PKHD1: variants seen among roughly 807,000 people sequenced by gnomAD.
PKHD1 encodes PKHD1 ciliary IPT domain containing fibrocystin/polyductin, also known as fibrocystin.
A neutral mutation model predicts 412.0 loss-of-function variants in PKHD1; 291 were observed. The ratio of observed to expected loss-of-function variants is 0.71; its 90% CI spans 0.64 to 0.78. PKHD1 has a LOEUF of 0.78. Ranked by LOEUF, PKHD1 falls within the 30% of genes least tolerant of loss-of-function variation. The pLI is 0.00. For synonymous variants in PKHD1, 1,777 were observed against 1,821.5 expected (o/e 0.98, Z 0.62); for missense variants, 4,825 against 4,950.7 (o/e 0.97, Z 0.76).
intron 36 of PKHD1, among the ~76,000 whole-genome samples, chr6:51,952,362 A>G (rs949518078): frequency 6.6e-6 from 1 of 152,188 alleles, no homozygotes; most frequent in Non-Finnish European, 1.5e-5. Context: ...CTCAACAAAC[A>G]TGAATCTGCC....
chr6:51,709,977 G>A (rs1037839236), intron 60 of PKHD1, among the ~76,000 whole-genome samples: 1 of 152,140 alleles, frequency 6.6e-6, no homozygotes, highest in Admixed American at 6.5e-5. Context: ...GGGAGGCCGA[G>A]GAGGGCGGAT....
At chr6:51,848,501 T>C (rs1472497408) in intron 49 of PKHD1, among the ~76,000 whole-genome samples, 1 of 152,218 alleles carries the variant, frequency 6.6e-6, no homozygotes, top group African/African-American at 2.4e-5. Context: ...TTGAGGAAAC[T>C]GAGGCAGGCA....
At chr6:51,710,947 G>A (rs1297366359) in intron 60 of PKHD1, among the ~76,000 whole-genome samples, 1 of 152,112 alleles carries the variant, frequency 6.6e-6, no homozygotes, top group Non-Finnish European at 1.5e-5. Context: ...GGCTGTATCA[G>A]GTACCTCTTG....
intron 36 of PKHD1, among the ~76,000 whole-genome samples, chr6:51,951,978 G>C (rs1790433915): frequency 6.6e-6 from 1 of 152,214 alleles, no homozygotes; most frequent in South Asian, 2.1e-4. Flanking sequence ...TCTCTGCTAG[G>C]AAGGGACTGG....
At chr6:52,039,462 G>A (rs1173822184) in intron 27 of PKHD1, among the ~76,000 whole-genome samples, 3 of 152,222 alleles carry the variant, frequency 2.0e-5, no homozygotes, top group Admixed American at 2.0e-4. Context: ...ATGTGAAGAT[G>A]TGCTTGCTTC....
chr6:51,798,594 T>C (rs1359149258), intron 52 of PKHD1, among the ~76,000 whole-genome samples: 1 of 152,128 alleles, frequency 6.6e-6, no homozygotes, highest in Non-Finnish European at 1.5e-5. Flanking sequence ...TTGATGAGTA[T>C]GTGTCTACGG....
intron 50 of PKHD1, among the ~76,000 whole-genome samples, chr6:51,839,397 C>CA (rs1446095070): frequency 6.6e-6 from 1 of 151,818 alleles, no homozygotes; most frequent in African/African-American, 2.4e-5. Flanking sequence ...ATCTGATGCT[C>CA]AAAAAGACAA....
chr6:51,770,909 G>A (rs1789986491), intron 55 of PKHD1, among the ~76,000 whole-genome samples: 1 of 152,034 alleles, frequency 6.6e-6, no homozygotes, highest in Non-Finnish European at 1.5e-5. Context: ...TAACACAGTT[G>A]AGTTTAAGGA....
intron 60 of PKHD1, among the ~76,000 whole-genome samples, chr6:51,696,192 C>T (rs1364197561): frequency 6.6e-6 from 1 of 152,174 alleles, no homozygotes; most frequent in Non-Finnish European, 1.5e-5. Context: ...AGAAAAGTCT[C>T]TTCTCATTGT....
Position 51,721,269 on chromosome 6 carries a change from A to G in PKHD1, c.10156+23116T>C, listed in dbSNP as rs550383926. ...CTTTACCACACCAATATTCTTGGTA[A>G]TAAACTTACATTTATGTTCTTTCTT... On this transcript the variant is annotated intron_variant, in intron 60 of 66. Transcript: ENST00000371117. 209 of 944,374 alleles carry G rather than the reference A, an allele frequency of 2.2e-4. 4 individuals are homozygous for G. In the South Asian group the frequency reaches 9.4e-3, roughly 43 times the overall value. 58.5% of individuals were successfully genotyped at this position (944,374 alleles called of 1,614,324 possible).
intron 37 of PKHD1, among the ~76,000 whole-genome samples, chr6:51,913,983 A>G (rs571365924): frequency 1.3e-5 from 2 of 152,252 alleles, no homozygotes; most frequent in South Asian, 2.1e-4. Context: ...AATAAAATTT[A>G]TTTATATGTA....
chr6:51,800,686 TGGGAATAATGATGGG>T (rs1762770044), intron 52 of PKHD1, among the ~76,000 whole-genome samples: 1 of 152,208 alleles, frequency 6.6e-6, no homozygotes, highest in African/African-American at 2.4e-5. Context: ...GCACAGATCC[TGGGAATAATGATGGG>T]GTCACATGAA....
intron 53 of PKHD1, among the ~76,000 whole-genome samples, chr6:51,784,731 C>G (rs963508217): frequency 6.6e-6 from 1 of 152,146 alleles, no homozygotes; most frequent in Non-Finnish European, 1.5e-5. Context: ...TATTCTTTAG[C>G]TACAGGGGCT....
chr6:51,695,430 AGAG>A (rs1172206909), intron 60 of PKHD1, among the ~76,000 whole-genome samples: 1 of 152,126 alleles, frequency 6.6e-6, no homozygotes, highest in Non-Finnish European at 1.5e-5. Context: ...AGAAAAATGA[AGAG>A]GAGTAGGAGG....
rs1157211155 is a variant in PKHD1, at chr6:52,024,847, C to T, written c.4963G>A (p.Ala1655Thr). 6.2e-7 allele frequency: 1 copy of T among 1,614,190 alleles called. No homozygotes were observed. Among genetic ancestry groups the T allele is most frequent in the Admixed American group, 1.7e-5 (1 of 60,024 alleles). ...ATAGAGATCAATTCTGGGGTAAAGG[C>T]CTTGTTATAACCAATGACTCCTATG... ...YHIGVIGYNKAFTPELISISQ... is the reference protein window; with the variant it reads ...YHIGVIGYNKTFTPELISISQ... Residue 1655 changes from alanine to threonine, a missense_variant, in exon 32 of 67, where the codon GCC (alanine) becomes ACC (threonine). Ala to Thr is a moderately conservative substitution (Grantham distance 58, BLOSUM62 0). Coordinates refer to ENST00000371117, the MANE Select transcript of PKHD1 (RefSeq NM_138694.4).
At chr6:52,008,850 G>A (rs561495665) in intron 35 of PKHD1, among the ~76,000 whole-genome samples, 209 of 152,170 alleles carry the variant, frequency 1.4e-3, no homozygotes, top group Admixed American at 2.9e-3. Context: ...TTCAAACCCG[G>A]GCAGTCTAGC....
intron 37 of PKHD1, 106 bp downstream of exon 37, chr6:51,934,004 C>T (rs1313854276): frequency 1.7e-5 from 14 of 814,546 alleles, no homozygotes; most frequent in Non-Finnish European, 2.8e-5. Flanking sequence ...CTCTAACTGA[C>T]CTGGTTGGCT....
At chr6:52,023,964 C>G in intron 32 of PKHD1, among the ~76,000 whole-genome samples, 1 of 152,004 alleles carries the variant, frequency 6.6e-6, no homozygotes, top group Non-Finnish European at 1.5e-5. Context: ...AGTTTTTTTC[C>G]TTACTTTCTA....
intron 36 of PKHD1, among the ~76,000 whole-genome samples, chr6:51,956,807 A>G (rs936534946): frequency 6.6e-6 from 1 of 152,030 alleles, no homozygotes; most frequent in African/African-American, 2.4e-5. Flanking sequence ...GGCCATAGAC[A>G]TTACAGGCAA....
Sources: gnomAD v4.1 joint callset for allele counts (sites outside exome capture counted in the v4.1 genomes callset) on GRCh38, gnomAD v4.1.1 for gene constraint, MANE v1.5 for transcripts, NCBI Gene and HGNC (gene_info 2026-07-23, HGNC 2026-07-21) for gene names.